RGS7: variants seen among roughly 807,000 people sequenced by gnomAD.
RGS7 encodes regulator of G-protein signaling 7.
In RGS7, 27 loss-of-function variants were observed where a neutral mutation model predicts 81.1. The observed-to-expected ratio is 0.33, with a 90% CI of 0.25 to 0.46. The LOEUF (loss-of-function observed/expected upper bound fraction) is 0.46. RGS7 is among the 20% of genes least tolerant of loss of function. The probability of loss-of-function intolerance (pLI) is 1.00; values close to 1 mark genes in which losing one functional copy is unlikely to be tolerated. For missense variants in RGS7, 396 were observed against 607.4 expected, an observed-to-expected ratio of 0.65 and a Z score of 3.66; for synonymous variants, 208 against 207.7, an observed-to-expected ratio of 1.00 and a Z score of -0.01.
intron 14 of RGS7, among the ~76,000 whole-genome samples, chr1:240,810,310 C>T (rs553577994): frequency 6.6e-6 from 1 of 152,116 alleles, no homozygotes; most frequent in Non-Finnish European, 1.5e-5. Flanking sequence ...AGGCTTATTA[C>T]TTATTTATTT....
intron 9 of RGS7, among the ~76,000 whole-genome samples, chr1:240,852,739 A>T (rs1660337429): frequency 1.3e-5 from 2 of 152,138 alleles, no homozygotes; most frequent in Admixed American, 6.5e-5. Flanking sequence ...TTCCTCTCAC[A>T]ATCAAAGGTA....
At chr1:241,008,418 G>A (rs915495728) in intron 3 of RGS7, among the ~76,000 whole-genome samples, 2 of 152,124 alleles carry the variant, frequency 1.3e-5, no homozygotes, top group East Asian at 3.8e-4. Context: ...CAGTAAACCT[G>A]GGTTGGGAGC....
rs34579729 is a variant in RGS7, at chr1:241,229,060, T to TA, written c.78+126638dup. 5.3e-3 allele frequency among the ~76,000 whole-genome samples: 757 copies of TA among 143,322 alleles called. 4 individuals carry two copies. Among genetic ancestry groups the TA allele is most frequent in the African/African-American group, 0.015 (600 of 39,436 alleles). 94.0% of individuals were successfully genotyped at this position (143,322 alleles called of 152,430 possible). On this transcript the variant is annotated intron_variant, in intron 2 of 18. Coordinates refer to ENST00000440928, the MANE Select transcript of RGS7 (RefSeq NM_001364886.1). ...CTAAAATTAGATCAAAATAAAAAAT[T>TA]AAAAAAAAAAAAAAGAAGGAAAAAC... is the stretch of plus-strand genomic sequence containing the variant.
At position 241,258,995 on chromosome 1, in the gene RGS7, A is replaced by T. The variant is rs2077176319; in HGVS notation, c.78+96704T>A. Among the ~76,000 whole-genome samples, 3 of 152,178 alleles carry T rather than the reference A, an allele frequency of 2.0e-5. No homozygotes were observed. The South Asian group carries it at 6.2e-4, about 31-fold the overall frequency. On this transcript the variant is annotated intron_variant, in intron 2 of 18. Transcript: ENST00000440928. ...CAGCAGGGGGCCATACTTCACAAGC[A>T]GGAAAATTGTAGAGAGATACAGGTA...
rs79451990 is a variant in RGS7, at chr1:241,140,257, C to A, written c.79-41495G>T. 3.2e-3 allele frequency among the ~76,000 whole-genome samples: 484 copies of A among 152,240 alleles called. 12 individuals carry two copies. In the East Asian group the frequency reaches 0.059, roughly 19 times the overall value. ...TAGTTTTTAATTCTGGCCAAGCAGA[C>A]CCTTTCCAGGGGCTGAATACACTTG... On this transcript the variant is annotated intron_variant, in intron 2 of 18. Coordinates refer to ENST00000440928, the MANE Select transcript of RGS7 (RefSeq NM_001364886.1).
At chr1:240,888,946 A>T (rs1216057247) in intron 6 of RGS7, among the ~76,000 whole-genome samples, 10 of 151,954 alleles carry the variant, frequency 6.6e-5, no homozygotes, top group Admixed American at 6.6e-4. Context: ...ATGAAGAAAG[A>T]GGTAACATTT....
At chr1:241,249,331 A>G (rs2148200351) in intron 2 of RGS7, among the ~76,000 whole-genome samples, 1 of 150,624 alleles carries the variant, frequency 6.6e-6, no homozygotes, top group African/African-American at 2.4e-5. Context: ...GCATTTGACT[A>G]TACCTAATTT....
chr1:241,298,519 C>T (rs758967435), intron 2 of RGS7, among the ~76,000 whole-genome samples: 13 of 152,188 alleles, frequency 8.5e-5, no homozygotes, highest in Non-Finnish European at 1.6e-4. Flanking sequence ...AACTAAATCA[C>T]GCCTTCTGAC....
At chr1:241,093,271 T>C (rs1345114030) in intron 3 of RGS7, among the ~76,000 whole-genome samples, 5 of 152,212 alleles carry the variant, frequency 3.3e-5, no homozygotes, top group Non-Finnish European at 7.3e-5. Flanking sequence ...TCAAGTTCTT[T>C]GTTGAAGATG....
At chr1:240,851,941 G>A (rs1177181348) in intron 9 of RGS7, among the ~76,000 whole-genome samples, 2 of 152,196 alleles carry the variant, frequency 1.3e-5, no homozygotes, top group Non-Finnish European at 2.9e-5. Flanking sequence ...TCTACTTCCG[G>A]TGAAGATGGT....
chr1:241,188,662 A>G (rs903891113), intron 2 of RGS7, among the ~76,000 whole-genome samples: 1 of 152,220 alleles, frequency 6.6e-6, no homozygotes, highest in Non-Finnish European at 1.5e-5. Flanking sequence ...CCACCTCATG[A>G]TAGTCTTGGA....
chr1:241,188,153 G>C (rs1356626219), intron 2 of RGS7, among the ~76,000 whole-genome samples: 1 of 111,196 alleles, frequency 9.0e-6, no homozygotes, highest in Non-Finnish European at 2.2e-5. Flanking sequence ...ACCATAACTT[G>C]ATCATTACAC....
At chr1:241,108,983 T>A (rs1237938549) in intron 2 of RGS7, among the ~76,000 whole-genome samples, 1 of 152,104 alleles carries the variant, frequency 6.6e-6, no homozygotes, top group South Asian at 2.1e-4. Context: ...TACGAACTCC[T>A]TACCTCCTGA....
intron 3 of RGS7, among the ~76,000 whole-genome samples, chr1:241,026,035 C>A (rs2059765573): frequency 6.6e-6 from 1 of 152,162 alleles, no homozygotes. Context: ...CAAATTGTCT[C>A]TTTAATATAT....
chr1:241,172,252 G>A (rs1029370940), intron 2 of RGS7, among the ~76,000 whole-genome samples: 1 of 152,104 alleles, frequency 6.6e-6, no homozygotes, highest in African/African-American at 2.4e-5. Flanking sequence ...AGCACACGTG[G>A]CAATCTAAAA....
rs554516217 is a variant in RGS7, at chr1:241,284,219, T to G, written c.78+71480A>C. ...TGATTTTCAGTTGAAACCCAGAATT[T>G]TTCTGGTCATATGTTATGAAACTTT... is the stretch of plus-strand genomic sequence containing the variant. On this transcript the variant is annotated intron_variant, in intron 2 of 18. Transcript: ENST00000440928. Among the ~76,000 whole-genome samples the G allele has an allele frequency of 6.6e-3, 1,002 of 152,334 alleles. 6 individuals are homozygous for G. Among genetic ancestry groups the G allele is most frequent in the Middle Eastern group, 0.024 (7 of 294 alleles).
chr1:240,943,366 A>C (rs61329984), intron 4 of RGS7, among the ~76,000 whole-genome samples: 17,244 of 152,162 alleles, frequency 0.11, 2,118 homozygotes, highest in African/African-American at 0.31. Context: ...TGACAAAATA[A>C]TAATGCCAAA....
At chr1:241,152,409 G>A (rs1572904598) in intron 2 of RGS7, among the ~76,000 whole-genome samples, 2 of 152,102 alleles carry the variant, frequency 1.3e-5, no homozygotes, top group Admixed American at 1.3e-4. Context: ...ACAGAGCAGT[G>A]GTATCCTAGT....
chr1:241,034,400 AG>A (rs1469606462), intron 3 of RGS7, among the ~76,000 whole-genome samples: 2 of 152,232 alleles, frequency 1.3e-5, no homozygotes, highest in Non-Finnish European at 2.9e-5. Flanking sequence ...CAAGTATCAC[AG>A]GGCAGGGGAA....
Sources: allele counts gnomAD v4.1 joint callset (sites outside exome capture counted in the v4.1 genomes callset), GRCh38; gene constraint gnomAD v4.1.1; transcripts MANE v1.5; gene names NCBI Gene and HGNC (gene_info 2026-07-23, HGNC 2026-07-21).